The following TMED7 variants were observed in gnomAD, a reference collection of about 807,000 sequenced individuals.
TMED7 encodes transmembrane emp24 domain-containing protein 7.
In TMED7, 8 loss-of-function variants were observed where a neutral mutation model predicts 23.4. That is an observed-to-expected ratio of 0.34 (90% CI 0.20 to 0.62). TMED7 has a LOEUF of 0.62. Ranked by LOEUF, TMED7 falls within the 20% of genes least tolerant of loss-of-function variation. The probability of loss-of-function intolerance (pLI) is 0.77; values close to 1 mark genes in which losing one functional copy is unlikely to be tolerated. For synonymous variants in TMED7, 121 were observed against 108.5 expected, an observed-to-expected ratio of 1.12 and a Z score of -0.72; for missense variants, 232 against 279.1, an observed-to-expected ratio of 0.83 and a Z score of 1.20.
chr5:115,618,964 A>T (rs181464298), intron 2 of TMED7, among the ~76,000 whole-genome samples: 14 of 152,224 alleles, frequency 9.2e-5, no homozygotes, highest in Admixed American at 5.9e-4. Context: ...ACTAGCTGGT[A>T]ATTTTCAATT....
rs1320605149 is a variant in TMED7 at position 115,614,365 on chromosome 5, A to G, written c.*1844T>C. 6.6e-6 allele frequency: 1 copy of G among 152,626 alleles called. No individual in the cohort carries two copies. Among genetic ancestry groups the G allele is most frequent in the East Asian group, 1.9e-4 (1 of 5,202 alleles). 9.5% of individuals were successfully genotyped at this position (152,626 alleles called of 1,614,324 possible). A position where few individuals can be genotyped will look rare whatever the true frequency, so the allele number is the denominator to read the frequency against. ...TATCTATGCCAAACTCAGCAAGTCT[A>G]TAACTTACTGTTTAATTATGGTGTA... is the stretch of plus-strand genomic sequence containing the variant. On this transcript the variant is annotated 3_prime_UTR_variant, in exon 3 of 3. Transcript: ENST00000456936.
chr5:115,626,028 G>T lies in TMED7; in HGVS notation c.-236C>A. On this transcript the variant is annotated 5_prime_UTR_variant, in exon 1 of 3. Transcript: ENST00000456936. ...CGGAAAAGGCCTGAGAGGGTCGGAAGTGGGGATTAGCCTTTCGGGGGGTGA... is the reference window on the plus strand; with the variant it reads ...CGGAAAAGGCCTGAGAGGGTCGGAATTGGGGATTAGCCTTTCGGGGGGTGA... 1 of 439,762 alleles carries T rather than the reference G, an allele frequency of 2.3e-6. No homozygotes were observed. The highest frequency in any genetic ancestry group is 3.7e-6 in the Non-Finnish European group (1 of 269,152). The allele number at this position is 439,762 out of a possible 1,614,324, so 27.2% of individuals were successfully genotyped here.
At chr5:115,616,927 AAC>A (rs1491052158) in intron 2 of TMED7, among the ~76,000 whole-genome samples, 1 of 152,216 alleles carries the variant, frequency 6.6e-6, no homozygotes, top group East Asian at 1.9e-4. Context: ...CTATGTTTAA[AAC>A]AGCCACAACA....
chr5:115,617,649 ACC>A (rs1292015205), intron 2 of TMED7, among the ~76,000 whole-genome samples: 17 of 152,240 alleles, frequency 1.1e-4, no homozygotes, highest in African/African-American at 3.9e-4. Context: ...AGGATTCTTC[ACC>A]TGGAAAGTAC....
At chr5:115,624,238 G>GT (rs1757128104) in intron 1 of TMED7, among the ~76,000 whole-genome samples, 1 of 152,088 alleles carries the variant, frequency 6.6e-6, no homozygotes, top group African/African-American at 2.4e-5. Flanking sequence ...TCTGTCCCCT[G>GT]GTGCTAATCC....
chr5:115,618,545 G>A (rs186335051), intron 2 of TMED7, among the ~76,000 whole-genome samples: 15 of 151,818 alleles, frequency 9.9e-5, no homozygotes, highest in Admixed American at 2.0e-4. Flanking sequence ...CATTTCCCAC[G>A]TCCTGGATTT....
Position 115,625,593 on chromosome 5 carries a change from CCT to C in TMED7, c.192+6_192+7del, listed in dbSNP as rs1337881572. 5 of 1,574,182 alleles carry C rather than the reference CCT, an allele frequency of 3.2e-6. No homozygotes were observed. The highest frequency in any genetic ancestry group is 1.8e-5 in the Admixed American group (1 of 55,678). On this transcript the variant is annotated splice_donor_region_variant and intron_variant, in intron 1 of 2. Transcript: ENST00000456936. ...GTTGGGGCCCAGGGACTGCTAGGCC[CCT>C]GATACCTGGAACTCCAGGGTGCACT...
At chr5:115,623,950 T>A (rs1369258017) in intron 1 of TMED7, among the ~76,000 whole-genome samples, 1 of 152,206 alleles carries the variant, frequency 6.6e-6, no homozygotes, top group Non-Finnish European at 1.5e-5. Flanking sequence ...TACTTCTACG[T>A]TTTATGCCCT....
At position 115,615,005 on chromosome 5, in the gene TMED7, G is replaced by A. The variant is rs1287692194; in HGVS notation, c.*1204C>T. On this transcript the variant is annotated 3_prime_UTR_variant, in exon 3 of 3. Transcript: ENST00000456936. ...CTTGTATTCTATCAGATAATACTTG[G>A]AACAAAATCTTATTTCAATCAGCTC... The A allele has an allele frequency of 6.6e-6, 1 of 151,384 alleles. No individual in the cohort carries two copies. Among genetic ancestry groups the A allele is most frequent in the African/African-American group, 2.4e-5 (1 of 41,192 alleles). The allele number at this position is 151,384 out of a possible 1,614,324, so 9.4% of individuals were successfully genotyped here.
intron 2 of TMED7, among the ~76,000 whole-genome samples, chr5:115,618,882 T>C (rs1756904501): frequency 6.6e-6 from 1 of 152,204 alleles, no homozygotes; most frequent in Admixed American, 6.5e-5. Context: ...GTAAAACTTT[T>C]ATCATTTATT....
At chr5:115,619,635 C>T (rs1422833951) in intron 2 of TMED7, among the ~76,000 whole-genome samples, 1 of 151,998 alleles carries the variant, frequency 6.6e-6, no homozygotes, top group Non-Finnish European at 1.5e-5. Context: ...ACATGAAATT[C>T]ATTTATGTTT....
At chr5:115,620,773 T>C (rs1757001804) in intron 1 of TMED7, 93 bp from the exon 2 acceptor site, 1 of 1,281,588 alleles carries the variant, frequency 7.8e-7, no homozygotes, top group Admixed American at 3.9e-5. Flanking sequence ...AATAAGGTGA[T>C]GGGCAAAGGA....
In TMED7 at chr5:115,616,156, T is replaced by G; in HGVS notation, c.*53A>C. 1.3e-6 allele frequency: 2 copies of G among 1,542,378 alleles called. No homozygotes were observed. Among genetic ancestry groups the G allele is most frequent in the Non-Finnish European group, 1.8e-6 (2 of 1,119,094 alleles). On this transcript the variant is annotated 3_prime_UTR_variant, in exon 3 of 3. Coordinates refer to ENST00000456936, the MANE Select transcript of TMED7 (RefSeq NM_181836.6). The stretch of plus-strand genomic sequence containing the variant: ...TAAGTTCTTCAGTACCTAAAATTAA[T>G]TAGAGGACAGCAATATTACAGTGGC...
At chr5:115,619,463 C>A (rs1347792547) in intron 2 of TMED7, among the ~76,000 whole-genome samples, 1 of 152,038 alleles carries the variant, frequency 6.6e-6, no homozygotes, top group African/African-American at 2.4e-5. Context: ...CTTTTTCATG[C>A]CTAATTGAGT....
rs1473869072 is a variant in TMED7, at chr5:115,616,611, C to CT, written c.439-167_439-166insA. On this transcript the variant is annotated intron_variant, in intron 2 of 2. Transcript: ENST00000456936. The stretch of plus-strand genomic sequence containing the variant: ...CCAGTTGTCTTTGCAATGAAACCCC[C>CT]CTGCTCATTTTCACTGGGACAACTG... 5 of 1,021,658 alleles carry CT rather than the reference C, an allele frequency of 4.9e-6. No homozygotes were observed. The East Asian group carries it at 7.9e-5, about 16-fold the overall frequency. 63.3% of individuals were successfully genotyped at this position (1,021,658 alleles called of 1,614,324 possible). A position where few individuals can be genotyped will look rare whatever the true frequency, so the allele number is the denominator to read the frequency against.
Position 115,625,850 on chromosome 5 carries a change from G to A in TMED7, c.-58C>T. ...GCGAGACGCAGGGTCAGGTCTGCGC[G>A]GACTCACCGCGCGCGGCAGGCCTCA... On this transcript the variant is annotated 5_prime_UTR_variant, in exon 1 of 3. Coordinates refer to ENST00000456936, the MANE Select transcript of TMED7 (RefSeq NM_181836.6). 2 of 1,343,142 alleles carry A rather than the reference G, an allele frequency of 1.5e-6. No homozygotes were observed. Among genetic ancestry groups the A allele is most frequent in the Non-Finnish European group, 1.9e-6 (2 of 1,054,028 alleles). 83.2% of individuals were successfully genotyped at this position (1,343,142 alleles called of 1,614,324 possible). A position where few individuals can be genotyped will look rare whatever the true frequency, so the allele number is the denominator to read the frequency against.
chr5:115,625,831 C>G lies in TMED7; in HGVS notation c.-39G>C. On this transcript the variant is annotated 5_prime_UTR_variant, in exon 1 of 3. Coordinates refer to ENST00000456936, the MANE Select transcript of TMED7 (RefSeq NM_181836.6). ...CGGCGGCCTCAACCGAGCTGCGAGA[C>G]GCAGGGTCAGGTCTGCGCGGACTCA... 1 of 1,382,322 alleles carries G rather than the reference C, an allele frequency of 7.2e-7. No individual in the cohort carries two copies. The highest frequency in any genetic ancestry group is 3.0e-5 in the East Asian group (1 of 33,200). 85.6% of individuals were successfully genotyped at this position (1,382,322 alleles called of 1,614,324 possible).
Position 115,625,604 on chromosome 5 carries a change from G to A in TMED7, c.189C>T (p.Phe63=), listed in dbSNP as rs774143955. 10 of 1,580,618 alleles carry A rather than the reference G, an allele frequency of 6.3e-6. No homozygotes were observed. The highest frequency in any genetic ancestry group is 2.3e-5 in the South Asian group (2 of 87,078). Residue 63 remains phenylalanine (F), a synonymous_variant, in exon 1 of 3, where the codon TTC becomes TTT. Transcript: ENST00000456936. ...GGGACTGCTAGGCCCCTGATACCTGGAACTCCAGGGTGCACTTGGTGCCCT... is the reference window on the plus strand; with the variant it reads ...GGGACTGCTAGGCCCCTGATACCTGAAACTCCAGGGTGCACTTGGTGCCCT... ...IAQGTKCTLE[F]QVITGGHYDV... is the part of the protein sequence containing the mutation.
At position 115,615,636 on chromosome 5, in the gene TMED7, C is replaced by A. The variant is rs937148340; in HGVS notation, c.*573G>T. ...TAGCATAGCTGGTTTAAATTATAAA[C>A]CCCAAAAACAAAAGTCTGACATTTT... On this transcript the variant is annotated 3_prime_UTR_variant, in exon 3 of 3. Coordinates refer to ENST00000456936, the MANE Select transcript of TMED7 (RefSeq NM_181836.6). The A allele has an allele frequency of 2.6e-5, 4 of 153,092 alleles. No individual in the cohort carries two copies. Among genetic ancestry groups the A allele is most frequent in the African/African-American group, 9.7e-5 (4 of 41,412 alleles). The allele number at this position is 153,092 out of a possible 1,614,324, so 9.5% of individuals were successfully genotyped here.
Sources: gnomAD v4.1 joint callset for allele counts (sites outside exome capture counted in the v4.1 genomes callset) on GRCh38, gnomAD v4.1.1 for gene constraint, MANE v1.5 for transcripts, NCBI Gene and HGNC (gene_info 2026-07-23, HGNC 2026-07-21) for gene names.